Variants in PRKAG2 observed in about 807,000 individuals in gnomAD.
PRKAG2 encodes protein kinase AMP-activated non-catalytic subunit gamma 2, also known as 5'-AMP-activated protein kinase subunit gamma-2.
In PRKAG2, 26 loss-of-function variants were observed where a neutral mutation model predicts 69.6. That is an observed-to-expected ratio of 0.37 (90% CI 0.27 to 0.52). The LOEUF (loss-of-function observed/expected upper bound fraction) is 0.52, where lower values mean the gene tolerates loss of function less well. PRKAG2 is among the 20% of genes least tolerant of loss of function. The pLI is 0.90. For synonymous variants in PRKAG2, 293 were observed against 285.0 expected, an observed-to-expected ratio of 1.03 and a Z score of -0.28; for missense variants, 557 against 740.0, an observed-to-expected ratio of 0.75 and a Z score of 2.87.
At chr7:151,675,803 A>G (rs1832843833) in intron 3 of PRKAG2, among the ~76,000 whole-genome samples, 166 bp from the exon 4 acceptor site, 1 of 151,308 alleles carries the variant, frequency 6.6e-6, no homozygotes, top group Non-Finnish European at 1.5e-5. Flanking sequence ...AGGAAGGGAC[A>G]TTGGAGGTGG....
chr7:151,568,890 A>G (rs1563152509), intron 10 of PRKAG2, 48 bp from the exon 11 acceptor site: 22 of 1,609,482 alleles, frequency 1.4e-5, no homozygotes, highest in Non-Finnish European at 1.9e-5. Context: ...GAGAAAAATC[A>G]GAACACTTTG....
intron 1 of PRKAG2, among the ~76,000 whole-genome samples, chr7:151,870,704 G>A (rs993028497): frequency 6.6e-6 from 1 of 152,224 alleles, no homozygotes; most frequent in Non-Finnish European, 1.5e-5. Flanking sequence ...GCCGGATAGA[G>A]GCTATGGGGC....
chr7:151,659,697 A>C (rs1264794999), intron 4 of PRKAG2, among the ~76,000 whole-genome samples: 1 of 152,268 alleles, frequency 6.6e-6, no homozygotes, highest in Non-Finnish European at 1.5e-5. Context: ...AGCCCCATCT[A>C]TAGACGTGTG....
At chr7:151,664,693 C>T (rs1288366119) in intron 4 of PRKAG2, among the ~76,000 whole-genome samples, 1 of 152,134 alleles carries the variant, frequency 6.6e-6, no homozygotes, top group East Asian at 1.9e-4. Flanking sequence ...CATTGCCAGC[C>T]CAAGTTAGGG....
chr7:151,856,327 G>A (rs1446332004), intron 1 of PRKAG2, among the ~76,000 whole-genome samples: 1 of 152,238 alleles, frequency 6.6e-6, no homozygotes, highest in Non-Finnish European at 1.5e-5. Flanking sequence ...TCTTTCCAAG[G>A]CCCGCGCAGC....
At chr7:151,787,816 A>G (rs1298970790) in intron 1 of PRKAG2, among the ~76,000 whole-genome samples, 2 of 152,194 alleles carry the variant, frequency 1.3e-5, no homozygotes, top group Admixed American at 1.3e-4. Flanking sequence ...CCCTAGTCCA[A>G]TATGACTGGT....
In PRKAG2 at chr7:151,632,056, G is replaced by A. The variant is rs1824629305; in HGVS notation, c.754+13C>T. ...TGGGAGCGCCGGGCCGGCAGCGGGC[G>A]GGGCGCACTCACCTTCGTCCTCGAA... On this transcript the variant is annotated intron_variant, in intron 5 of 15. Coordinates refer to ENST00000287878, the MANE Select transcript of PRKAG2 (RefSeq NM_016203.4). This position sits in a 1 kb window ranked among gnomAD's most constrained non-coding sequence, Gnocchi z 4.2. The A allele has an allele frequency of 7.3e-7, 1 of 1,375,380 alleles. No homozygotes were observed. The highest frequency in any genetic ancestry group is 9.5e-7 in the Non-Finnish European group (1 of 1,050,454). 85.2% of individuals were successfully genotyped at this position (1,375,380 alleles called of 1,614,324 possible). A position where few individuals can be genotyped will look rare whatever the true frequency, so the allele number is the denominator to read the frequency against.
At chr7:151,697,274 G>T (rs75270413) in intron 3 of PRKAG2, among the ~76,000 whole-genome samples, 22,120 of 152,142 alleles carry the variant, frequency 0.15, 2,017 homozygotes, top group Non-Finnish European at 0.21. Flanking sequence ...CCTGCTCTTG[G>T]GGTCCCAACA....
intron 3 of PRKAG2, among the ~76,000 whole-genome samples, chr7:151,681,583 CT>C (rs962361870): frequency 2.6e-5 from 4 of 151,404 alleles, no homozygotes; most frequent in Non-Finnish European, 4.4e-5. Flanking sequence ...AGCATCAACA[CT>C]TTTTTTTTGT....
chr7:151,626,866 T>C (rs1823064336), intron 5 of PRKAG2, among the ~76,000 whole-genome samples: 1 of 151,876 alleles, frequency 6.6e-6, no homozygotes, highest in African/African-American at 2.4e-5. Context: ...ACTGTGTATT[T>C]GTTCATGTGC....
chr7:151,803,937 C>CA (rs71198732), intron 1 of PRKAG2, among the ~76,000 whole-genome samples: 29,682 of 106,686 alleles, frequency 0.28, 3,979 homozygotes, highest in African/African-American at 0.33. Flanking sequence ...GACTATGTCT[C>CA]AAAAAAAAAA....
At chr7:151,762,747 C>A (rs1324853577) in intron 3 of PRKAG2, among the ~76,000 whole-genome samples, 1 of 152,192 alleles carries the variant, frequency 6.6e-6, no homozygotes, top group East Asian at 1.9e-4. Context: ...CCCACTGAAG[C>A]TCACTGCTAA....
intron 1 of PRKAG2, among the ~76,000 whole-genome samples, chr7:151,813,798 C>T (rs2078547534): frequency 6.6e-6 from 1 of 152,206 alleles, no homozygotes; most frequent in Non-Finnish European, 1.5e-5. Context: ...CCCACAACTT[C>T]AGCAAGCAAG....
intron 6 of PRKAG2, among the ~76,000 whole-genome samples, chr7:151,593,928 GT>G (rs1482616233): frequency 2.0e-5 from 3 of 152,232 alleles, no homozygotes; most frequent in African/African-American, 7.2e-5. Context: ...CATCCTGTAA[GT>G]CCTGGGTGGC....
chr7:151,779,439 C>T (rs953907717), intron 3 of PRKAG2, among the ~76,000 whole-genome samples: 19 of 152,210 alleles, frequency 1.2e-4, no homozygotes, highest in African/African-American at 4.6e-4. Context: ...CCATGGAGGG[C>T]TCTGTGCAGG....
intron 3 of PRKAG2, among the ~76,000 whole-genome samples, chr7:151,713,328 G>A (rs116315481): frequency 6.6e-6 from 1 of 152,116 alleles, no homozygotes; most frequent in Non-Finnish European, 1.5e-5. Flanking sequence ...ACCCAAAGCA[G>A]ACCCTTTTGT....
chr7:151,770,153 T>C (rs1298239142), intron 3 of PRKAG2, among the ~76,000 whole-genome samples: 1 of 152,200 alleles, frequency 6.6e-6, no homozygotes, highest in Non-Finnish European at 1.5e-5. Context: ...AGCTGTCTGA[T>C]GCTGCCCCTT....
At chr7:151,645,315 G>T (rs1827377204) in intron 4 of PRKAG2, among the ~76,000 whole-genome samples, 1 of 152,154 alleles carries the variant, frequency 6.6e-6, no homozygotes, top group African/African-American at 2.4e-5. Flanking sequence ...ATGAACTAAG[G>T]CTCTCAGTCT....
intron 5 of PRKAG2, among the ~76,000 whole-genome samples, chr7:151,604,045 G>A (rs751302174): frequency 6.6e-6 from 1 of 152,162 alleles, no homozygotes; most frequent in African/African-American, 2.4e-5. Context: ...GGTGGCTTGT[G>A]GAGCCCTCTC....
Sources: gnomAD v4.1 joint callset for allele counts (sites outside exome capture counted in the v4.1 genomes callset) on GRCh38, gnomAD v4.1.1 for gene constraint, Gnocchi (gnomAD v3.1) non-coding constraint, MANE v1.5 for transcripts, NCBI Gene and HGNC (gene_info 2026-07-23, HGNC 2026-07-21) for gene names.